ERC1: variants seen among roughly 807,000 people sequenced by gnomAD.
The protein encoded by ERC1 is ELKS/RAB6-interacting/CAST family member 1, also known as RAB6 interacting protein 2.
In ERC1, 56 loss-of-function variants were observed where a neutral mutation model predicts 132.0. The ratio of observed to expected loss-of-function variants is 0.42; its 90% CI spans 0.34 to 0.53. ERC1 has a LOEUF of 0.53. Ranked by LOEUF, ERC1 falls within the 20% of genes least tolerant of loss-of-function variation. The pLI is 0.03. For synonymous variants in ERC1, 478 were observed against 476.1 expected (o/e 1.00, Z -0.05); for missense variants, 1,202 against 1,349.9 (o/e 0.89, Z 1.72).
upstream of ERC1, chr12:990,322 A>C (rs1959169492): frequency 6.6e-6 from 1 of 152,076 alleles, no homozygotes; most frequent in South Asian, 2.1e-4. Context: ...TACATCCTTA[A>C]ATTAATGGCT....
At chr12:1,208,689 A>T (rs1310234775) in intron 12 of ERC1, among the ~76,000 whole-genome samples, 1 of 152,184 alleles carries the variant, frequency 6.6e-6, no homozygotes, top group African/African-American at 2.4e-5. Flanking sequence ...GGCGTGTTCC[A>T]GTTGTGTCTT....
At chr12:1,303,435 G>C (rs1379807934) in intron 15 of ERC1, among the ~76,000 whole-genome samples, 2 of 150,322 alleles carry the variant, frequency 1.3e-5, no homozygotes, top group Non-Finnish European at 3.0e-5. Context: ...AGGAGATCGA[G>C]ACCATCCTGG....
At chr12:1,332,183 T>C (rs1449851151) in intron 15 of ERC1, among the ~76,000 whole-genome samples, 1 of 152,222 alleles carries the variant, frequency 6.6e-6, no homozygotes, top group African/African-American at 2.4e-5. Context: ...AAAATATCCT[T>C]GACTTTATCT....
chr12:1,342,483 C>CA (rs1164138794), intron 15 of ERC1, among the ~76,000 whole-genome samples: 7 of 127,862 alleles, frequency 5.5e-5, no homozygotes, highest in Non-Finnish European at 8.8e-5. Flanking sequence ...AAAAAAAAAA[C>CA]AAAAAAAAGA....
intron 11 of ERC1, among the ~76,000 whole-genome samples, chr12:1,183,836 G>A (rs1480198308): frequency 6.6e-6 from 1 of 151,964 alleles, no homozygotes. Context: ...CACAGAGTGA[G>A]ACCCCATCTC....
At chr12:1,006,220 G>C (rs1047218466) in intron 1 of ERC1, among the ~76,000 whole-genome samples, 4 of 152,044 alleles carry the variant, frequency 2.6e-5, no homozygotes, top group African/African-American at 9.7e-5. Context: ...GCCTCCCAAA[G>C]TGCTGGGATT....
chr12:1,057,691 G>A (rs959405556), intron 2 of ERC1, among the ~76,000 whole-genome samples: 4 of 143,552 alleles, frequency 2.8e-5, no homozygotes, highest in African/African-American at 1.0e-4. Flanking sequence ...TGCTTCCCGG[G>A]TTCAAGCGAT....
At chr12:1,378,485 T>C (rs1035027618) in intron 16 of ERC1, among the ~76,000 whole-genome samples, 1 of 152,232 alleles carries the variant, frequency 6.6e-6, no homozygotes, top group Non-Finnish European at 1.5e-5. Context: ...TTCTCCTAAC[T>C]AGCCAAGAAA....
intron 15 of ERC1, among the ~76,000 whole-genome samples, chr12:1,353,552 A>C (rs958292275): frequency 4.6e-5 from 7 of 152,204 alleles, no homozygotes; most frequent in African/African-American, 1.7e-4. Flanking sequence ...TAATTTCCTA[A>C]GAGGTTGTCA....
chr12:1,061,240 G>GT (rs1279895678), intron 2 of ERC1, among the ~76,000 whole-genome samples: 1 of 151,964 alleles, frequency 6.6e-6, no homozygotes, highest in Admixed American at 6.6e-5. Context: ...TTCAGATTTT[G>GT]TTTGAGTCTT....
intron 8 of ERC1, among the ~76,000 whole-genome samples, chr12:1,147,055 G>C (rs1950446144): frequency 6.6e-6 from 1 of 152,140 alleles, no homozygotes; most frequent in Non-Finnish European, 1.5e-5. Context: ...CCAAGTCTTT[G>C]CTATTGTGAA....
At chr12:1,385,949 A>C (rs554625761) in intron 16 of ERC1, 1 of 152,338 alleles carries the variant, frequency 6.6e-6, no homozygotes, top group African/African-American at 2.4e-5. Flanking sequence ...GAAAAGAAAA[A>C]ACATGAGCCA....
At chr12:1,449,639 G>A (rs910618485) in intron 18 of ERC1, among the ~76,000 whole-genome samples, 1 of 151,876 alleles carries the variant, frequency 6.6e-6, no homozygotes. Flanking sequence ...ACCCAGTCTC[G>A]GGTATTTCTT....
chr12:1,045,719 G>A (rs1970976956), intron 2 of ERC1, among the ~76,000 whole-genome samples: 1 of 152,146 alleles, frequency 6.6e-6, no homozygotes, highest in African/African-American at 2.4e-5. Context: ...AATGAATGAA[G>A]TGTACATACT....
chr12:1,294,808 G>GTTT (rs1022669665), intron 15 of ERC1, among the ~76,000 whole-genome samples: 3 of 152,002 alleles, frequency 2.0e-5, no homozygotes, highest in African/African-American at 7.2e-5. Flanking sequence ...GATTTTTGAT[G>GTTT]TTTTTTGTTT....
chr12:1,153,729 C>T, intron 8 of ERC1, among the ~76,000 whole-genome samples: 1 of 152,228 alleles, frequency 6.6e-6, no homozygotes, highest in East Asian at 1.9e-4. Flanking sequence ...TTCGAAGCCC[C>T]TCCCTGGCCG....
chr12:1,446,941 G>T (rs535999766), intron 18 of ERC1, among the ~76,000 whole-genome samples: 2 of 151,828 alleles, frequency 1.3e-5, no homozygotes, highest in South Asian at 4.2e-4. Context: ...GATTGCTTGA[G>T]CCCAGGAGTT....
intron 8 of ERC1, among the ~76,000 whole-genome samples, chr12:1,148,228 A>T (rs1377864213): frequency 1.3e-5 from 2 of 152,200 alleles, no homozygotes; most frequent in African/African-American, 2.4e-5. Context: ...TAAAGATACT[A>T]CCTGAGACTA....
intron 15 of ERC1, among the ~76,000 whole-genome samples, chr12:1,311,005 A>G (rs2081264952): frequency 6.6e-6 from 1 of 152,252 alleles, no homozygotes; most frequent in Non-Finnish European, 1.5e-5. Context: ...AAATCTGCCA[A>G]TGATATAACT....
Sources: allele counts gnomAD v4.1 joint callset (sites outside exome capture counted in the v4.1 genomes callset), GRCh38; gene constraint gnomAD v4.1.1; transcripts MANE v1.5; gene names NCBI Gene and HGNC (gene_info 2026-07-23, HGNC 2026-07-21).